The following TAF1 variants were observed in gnomAD, a reference collection of about 807,000 sequenced individuals.
TAF1 encodes the protein transcription initiation factor TFIID subunit 1.
A neutral mutation model predicts 138.5 loss-of-function variants in TAF1; 2 were observed. The observed-to-expected ratio is 0.01, with a 90% CI of 0.01 to 0.05. The LOEUF is 0.05. Ranked by LOEUF, TAF1 falls within the 10% of genes least tolerant of loss-of-function variation. The probability of loss-of-function intolerance (pLI) is 1.00; values close to 1 mark genes in which losing one functional copy is unlikely to be tolerated. For synonymous variants in TAF1, 437 were observed against 503.2 expected (o/e 0.87, Z 1.76); for missense variants, 709 against 1,478.0 (o/e 0.48, Z 8.53).
At chrX:71,416,318 C>G (rs1738101374) in intron 28 of TAF1, among the ~76,000 whole-genome samples, 1 of 92,662 alleles carries the variant, frequency 1.1e-5, no homozygotes, top group African/African-American at 3.9e-5. Context: ...CCTGGGAGAT[C>G]GAGGCTGCAG....
intron 13 of TAF1, among the ~76,000 whole-genome samples, chrX:71,475,259 A>G (rs1208496625): frequency 9.0e-6 from 1 of 111,368 alleles, no homozygotes; most frequent in African/African-American, 3.3e-5. Flanking sequence ...ACTTGGGAAA[A>G]GACCCAATGT....
intron 32 of TAF1, among the ~76,000 whole-genome samples, chrX:71,453,074 T>TG (rs1316930634): frequency 9.3e-6 from 1 of 107,430 alleles, no homozygotes; most frequent in Admixed American, 9.9e-5. Flanking sequence ...AGGGAGACCG[T>TG]GGGGAGACGG....
chrX:71,484,130 A>G (rs1214709072), intron 13 of TAF1, among the ~76,000 whole-genome samples: 3 of 111,223 alleles, frequency 2.7e-5, no homozygotes, highest in African/African-American at 9.8e-5. Flanking sequence ...TCAGCCTCCC[A>G]AAGTGCTGGG....
At chrX:71,500,522 TCCCCACCCCCACCCCGC>T (rs2039481266) in intron 13 of TAF1, among the ~76,000 whole-genome samples, 1 of 86,291 alleles carries the variant, frequency 1.2e-5, no homozygotes, top group South Asian at 6.1e-4. Context: ...GTTTGTTTGC[TCCCCACCCCCACCCCGC>T]CCCCACCCCC....
chrX:71,507,729 A>G (rs1221817389), intron 13 of TAF1, among the ~76,000 whole-genome samples: 1 of 111,712 alleles, frequency 9.0e-6, no homozygotes, highest in Non-Finnish European at 1.9e-5. Context: ...TGCTGGGATT[A>G]CAGGTGTGAG....
rs1024079752 is a variant in TAF1 at position 71,464,289 on chromosome X, G to A, written c.*243G>A. On this transcript the variant is annotated 3_prime_UTR_variant, in exon 38 of 38. Coordinates refer to ENST00000423759, the MANE Select transcript of TAF1 (RefSeq NM_004606.5). ...CTTTCCCCTACCACTACGGAAAAGAGCAAGCTCATTTTTCCGTGTCCTCCT... is the reference window on the plus strand; with the variant it reads ...CTTTCCCCTACCACTACGGAAAAGAACAAGCTCATTTTTCCGTGTCCTCCT... 2.3e-5 allele frequency: 9 copies of A among 386,922 alleles called. No homozygotes were observed. Among genetic ancestry groups the A allele is most frequent in the African/African-American group, 7.6e-5 (3 of 39,282 alleles). 31.9% of individuals were successfully genotyped at this position (386,922 alleles called of 1,213,427 possible).
rs757528068 is a variant in TAF1 at position 71,503,342 on chromosome X, A to G, written c.1367-25200A>G. 8.0e-3 allele frequency among the ~76,000 whole-genome samples: 775 copies of G among 96,566 alleles called. 6 individuals carry two copies. Among genetic ancestry groups the G allele is most frequent in the African/African-American group, 0.02 (494 of 24,798 alleles). The allele number at this position is 96,566 out of a possible 115,157, so 83.9% of individuals were successfully genotyped here. Reference sequence around the variant, plus strand: ...TATATGTGTGTGTATATATATATATATGTGTATATATATATATATACACAC... The same window carrying G: ...TATATGTGTGTGTATATATATATATGTGTGTATATATATATATATACACAC... On this transcript the variant is annotated intron_variant and NMD_transcript_variant, in intron 13 of 14. Transcript: ENST00000373775.
chrX:71,448,797 GTTTTCT>G (rs1169658561), intron 32 of TAF1, among the ~76,000 whole-genome samples: 32 of 105,180 alleles, frequency 3.0e-4, no homozygotes, highest in African/African-American at 6.6e-4. Flanking sequence ...TATTTCTTTT[GTTTTCT>G]TTTTCTTTTT....
At chrX:71,414,843 A>AC (rs1388823332) in intron 28 of TAF1, among the ~76,000 whole-genome samples, 13 of 45,796 alleles carry the variant, frequency 2.8e-4, no homozygotes, top group Admixed American at 1.4e-3. Flanking sequence ...ACATGGCAAA[A>AC]CCCCATCTCT....
intron 8 of TAF1, among the ~76,000 whole-genome samples, chrX:71,381,168 C>T (rs1256715990): frequency 3.5e-5 from 4 of 112,756 alleles, no homozygotes; most frequent in Non-Finnish European, 7.5e-5. Context: ...CATTTATTGT[C>T]ATAATTTAAC....
chrX:71,505,377 G>C (rs1183356328), intron 13 of TAF1, among the ~76,000 whole-genome samples: 2 of 111,111 alleles, frequency 1.8e-5, no homozygotes, highest in Non-Finnish European at 3.8e-5. Context: ...AAGAGTAAAA[G>C]CAGTGGAGAA....
chrX:71,484,622 G>A (rs933373397), intron 13 of TAF1, among the ~76,000 whole-genome samples: 31 of 111,505 alleles, frequency 2.8e-4, no homozygotes, highest in Non-Finnish European at 5.5e-4. Flanking sequence ...GTGAGCCACC[G>A]CGCCTGGCCA....
intron 23 of TAF1, 147 bp downstream of exon 23, chrX:71,397,613 G>C (rs1445849511): frequency 1.5e-6 from 1 of 672,481 alleles, no homozygotes; most frequent in African/African-American, 2.2e-5. Flanking sequence ...TTCCAGAGTA[G>C]CTGGGATTAC....
chrX:71,401,495 C>T lies in TAF1; in HGVS notation c.3787-33C>T, dbSNP rs745705682. On this transcript the variant is annotated intron_variant, in intron 24 of 37. Transcript: ENST00000423759. ...TCTGATATGTGTTTCAGCCTACTTA[C>T]CTCTGACGTGTTTGATACTTTTCCT... 28 of 1,203,423 alleles carry T rather than the reference C, an allele frequency of 2.3e-5. No individual in the cohort carries two copies. In the Middle Eastern group the frequency reaches 9.2e-4, roughly 39 times the overall value.
intron 13 of TAF1, among the ~76,000 whole-genome samples, chrX:71,525,737 C>T (rs1434147085): frequency 2.7e-5 from 3 of 110,317 alleles, no homozygotes; most frequent in African/African-American, 9.9e-5. Context: ...ACTGCAACCT[C>T]CACCTCCCTG....
chrX:71,383,827 A>G (rs965334594), intron 12 of TAF1, 135 bp from the exon 13 acceptor site: 1 of 739,095 alleles, frequency 1.4e-6, no homozygotes, highest in African/African-American at 2.2e-5. Flanking sequence ...ACTTTACAGT[A>G]TGTTTGAAAA....
chrX:71,472,652 G>C (rs1224294299), intron 13 of TAF1, among the ~76,000 whole-genome samples: 1 of 111,681 alleles, frequency 9.0e-6, no homozygotes, highest in Non-Finnish European at 1.9e-5. Context: ...AGAATCGCTT[G>C]AACTTGGGAG....
At chrX:71,472,020 CTTAGAGTTT>C (rs1275431652) in intron 13 of TAF1, among the ~76,000 whole-genome samples, 1 of 112,202 alleles carries the variant, frequency 8.9e-6, no homozygotes, top group Non-Finnish European at 1.9e-5. Flanking sequence ...GACATGGAAA[CTTAGAGTTT>C]TCCTTTCAAT....
chrX:71,404,328 A>G (rs772717755), intron 25 of TAF1, among the ~76,000 whole-genome samples: 3 of 110,428 alleles, frequency 2.7e-5, no homozygotes, highest in Non-Finnish European at 5.7e-5. Flanking sequence ...ATATACCTAG[A>G]GTCGGCCATT....
Sources: gnomAD v4.1 joint callset for allele counts (sites outside exome capture counted in the v4.1 genomes callset) on GRCh38, gnomAD v4.1.1 for gene constraint, MANE v1.5 for transcripts, NCBI Gene and HGNC (gene_info 2026-07-23, HGNC 2026-07-21) for gene names.